FAM193A: variants seen among roughly 807,000 people sequenced by gnomAD.
The protein encoded by FAM193A is family with sequence similarity 193 member A, also known as protein FAM193A.
In FAM193A, 22 loss-of-function variants were observed where a neutral mutation model predicts 126.5. The observed-to-expected ratio is 0.17, with a 90% confidence interval of 0.12 to 0.25. FAM193A has a LOEUF of 0.25. Ranked by LOEUF, FAM193A falls within the 10% of genes least tolerant of loss-of-function variation. The probability of loss-of-function intolerance (pLI) is 1.00; values close to 1 mark genes in which losing one functional copy is unlikely to be tolerated. For synonymous variants in FAM193A, 761 were observed against 646.8 expected (o/e 1.18, Z -2.68); for missense variants, 1,675 against 1,672.8 (o/e 1.00, Z -0.02).
At chr4:2,620,319 T>C (rs1009854497) in intron 2 of FAM193A, among the ~76,000 whole-genome samples, 2 of 152,128 alleles carry the variant, frequency 1.3e-5, no homozygotes, top group Non-Finnish European at 2.9e-5. Context: ...GTTCCAGCCA[T>C]GATGATAGGC....
At chr4:2,582,868 C>CA (rs1740030828) in intron 1 of FAM193A, among the ~76,000 whole-genome samples, 1 of 152,072 alleles carries the variant, frequency 6.6e-6, no homozygotes, top group African/African-American at 2.4e-5. Context: ...ATTCTTCTCC[C>CA]AGTTGTATTC....
At chr4:2,663,579 G>C (rs577491436) in intron 12 of FAM193A, among the ~76,000 whole-genome samples, 2 of 152,156 alleles carry the variant, frequency 1.3e-5, no homozygotes, top group African/African-American at 4.8e-5. Context: ...TTCAGGAAAG[G>C]TTTGTTTTTC....
chr4:2,555,674 G>C (rs1738206574), intron 1 of FAM193A, among the ~76,000 whole-genome samples: 1 of 152,138 alleles, frequency 6.6e-6, no homozygotes, highest in African/African-American at 2.4e-5. Flanking sequence ...CTGGAGTGCA[G>C]TGGCGCAATC....
At chr4:2,567,676 T>C (rs893983202) in intron 1 of FAM193A, among the ~76,000 whole-genome samples, 1 of 152,256 alleles carries the variant, frequency 6.6e-6, no homozygotes, top group Non-Finnish European at 1.5e-5. Flanking sequence ...CATTAACTGC[T>C]GCAGAGTGCC....
At chr4:2,716,547 A>G (rs915432122) in intron 20 of FAM193A, among the ~76,000 whole-genome samples, 6 of 152,208 alleles carry the variant, frequency 3.9e-5, no homozygotes, top group Non-Finnish European at 7.3e-5. Flanking sequence ...GGTTGAACAC[A>G]CTGGAGTGGT....
intron 16 of FAM193A, among the ~76,000 whole-genome samples, chr4:2,694,518 T>C (rs179695): frequency 0.79 from 120,304 of 151,970 alleles, 47,745 homozygotes; most frequent in Middle Eastern, 0.87. Flanking sequence ...CCACCTTCCT[T>C]GGCCTCCCAG....
intron 2 of FAM193A, among the ~76,000 whole-genome samples, chr4:2,617,794 C>T (rs1742302417): frequency 6.6e-6 from 1 of 152,174 alleles, no homozygotes; most frequent in Admixed American, 6.5e-5. Context: ...TTATACACCT[C>T]AGCATACATT....
intron 20 of FAM193A, among the ~76,000 whole-genome samples, chr4:2,727,985 G>T (rs1560626254): frequency 6.6e-6 from 1 of 150,912 alleles, no homozygotes; most frequent in Non-Finnish European, 1.5e-5. Flanking sequence ...TGCTCTAGTT[G>T]CCCAGGCACG....
At chr4:2,647,328 T>G (rs1745250996) in intron 7 of FAM193A, among the ~76,000 whole-genome samples, 2 of 152,036 alleles carry the variant, frequency 1.3e-5, no homozygotes, top group Non-Finnish European at 2.9e-5. Context: ...GTATTTTTAG[T>G]AGAGACAGGG....
chr4:2,670,533 G>A (rs1713667939), intron 12 of FAM193A, among the ~76,000 whole-genome samples: 1 of 151,958 alleles, frequency 6.6e-6, no homozygotes, highest in Admixed American at 6.6e-5. Flanking sequence ...GCTCACTGGA[G>A]CCTCGAGCCT....
chr4:2,726,823 A>T (rs1577286027), intron 20 of FAM193A, among the ~76,000 whole-genome samples: 1 of 147,028 alleles, frequency 6.8e-6, no homozygotes, highest in South Asian at 2.1e-4. Context: ...GGTGGTGCAC[A>T]TCTGTAGTCC....
chr4:2,642,819 G>A (rs1425079265), intron 6 of FAM193A, among the ~76,000 whole-genome samples: 1 of 149,430 alleles, frequency 6.7e-6, no homozygotes, highest in Non-Finnish European at 1.5e-5. Flanking sequence ...TGCAAGCTCT[G>A]CCTCTCAGGT....
intron 13 of FAM193A, among the ~76,000 whole-genome samples, chr4:2,678,746 A>T (rs909835812): frequency 6.6e-6 from 1 of 152,206 alleles, no homozygotes; most frequent in African/African-American, 2.4e-5. Context: ...GTGTATAGAC[A>T]TGCAGCTGAT....
At chr4:2,564,862 G>T (rs905875063) in intron 1 of FAM193A, among the ~76,000 whole-genome samples, 1 of 152,096 alleles carries the variant, frequency 6.6e-6, no homozygotes, top group Non-Finnish European at 1.5e-5. Context: ...TTGGAGGGCA[G>T]TGGCACCATC....
intron 1 of FAM193A, among the ~76,000 whole-genome samples, chr4:2,540,099 C>G (rs1043774717): frequency 6.9e-6 from 1 of 144,204 alleles, no homozygotes; most frequent in East Asian, 2.1e-4. Flanking sequence ...GCCTGGGCAA[C>G]AAGAGTGAAA....
intron 1 of FAM193A, among the ~76,000 whole-genome samples, chr4:2,554,859 G>A (rs945006890): frequency 1.3e-5 from 2 of 152,070 alleles, no homozygotes; most frequent in African/African-American, 2.4e-5. Flanking sequence ...CTCTAAAGTC[G>A]CTTTTGTCTG....
At chr4:2,555,984 ACCT>A (rs1342348311) in intron 1 of FAM193A, among the ~76,000 whole-genome samples, 3 of 147,832 alleles carry the variant, frequency 2.0e-5, no homozygotes, top group African/African-American at 7.6e-5. Flanking sequence ...GGCTCCCTGA[ACCT>A]CCAGGTTCAG....
chr4:2,552,298 A>T (rs1329322397), intron 1 of FAM193A, among the ~76,000 whole-genome samples: 1 of 109,506 alleles, frequency 9.1e-6, no homozygotes, highest in East Asian at 2.8e-4. Context: ...GGCGTGAGCC[A>T]CCGCGCCCGG....
chr4:2,599,311 G>A (rs1741056892), intron 2 of FAM193A, among the ~76,000 whole-genome samples: 1 of 152,024 alleles, frequency 6.6e-6, no homozygotes, highest in Non-Finnish European at 1.5e-5. Flanking sequence ...CCCTGGAGGG[G>A]CTGCTGCACT....
Sources: allele counts gnomAD v4.1 joint callset (sites outside exome capture counted in the v4.1 genomes callset), GRCh38; gene constraint gnomAD v4.1.1; transcripts MANE v1.5; gene names NCBI Gene and HGNC (gene_info 2026-07-23, HGNC 2026-07-21).